THRAP3: variants seen among roughly 807,000 people sequenced by gnomAD.
The protein encoded by THRAP3 is thyroid hormone receptor associated protein 3.
Under a neutral mutation model 101.0 loss-of-function variants are expected in THRAP3, and 16 were observed. The observed-to-expected ratio is 0.16, with a 90% CI of 0.11 to 0.24. The LOEUF (loss-of-function observed/expected upper bound fraction) is 0.24, where lower values mean the gene tolerates loss of function less well. Among genes scored for constraint, THRAP3 ranks in the 10% least tolerant of loss-of-function variants. The pLI is 1.00. For missense variants in THRAP3, 989 were observed against 1,202.7 expected (o/e 0.82, Z 2.63); for synonymous variants, 407 against 422.6 (o/e 0.96, Z 0.45).
At chr1:36,252,074 T>G (rs1299716986) in intron 1 of THRAP3, among the ~76,000 whole-genome samples, 2 of 152,190 alleles carry the variant, frequency 1.3e-5, no homozygotes, top group Admixed American at 6.6e-5. Context: ...TTCCTACCAT[T>G]TGGGAGTCTT....
In THRAP3 at chr1:36,282,526, AC is replaced by A. The variant is rs1645746245; in HGVS notation, c.-31-6del. 1.9e-6 allele frequency: 3 copies of A among 1,594,660 alleles called. No homozygotes were observed. The highest frequency in any genetic ancestry group is 2.2e-5 in the South Asian group (2 of 90,410). ...CTCATTTGTTCTAATGCATTTTCTT[AC>A]ATTAGGTGTAATTGAAAAGTGATCC... On this transcript the variant is annotated splice_polypyrimidine_tract_variant and splice_region_variant and intron_variant, in intron 2 of 11. Coordinates refer to ENST00000354618, the MANE Select transcript of THRAP3 (RefSeq NM_005119.4).
At chr1:36,224,662 C>G (rs1229040879) in intron 1 of THRAP3, among the ~76,000 whole-genome samples, 157 bp downstream of exon 1, 3 of 152,288 alleles carry the variant, frequency 2.0e-5, no homozygotes, top group East Asian at 3.9e-4. Flanking sequence ...TGAGCGGGCT[C>G]CGTTCCCTCC....
At chr1:36,262,431 AAC>A (rs1645458097) in intron 2 of THRAP3, among the ~76,000 whole-genome samples, 1 of 152,334 alleles carries the variant, frequency 6.6e-6, no homozygotes, top group African/African-American at 2.4e-5. Flanking sequence ...AAATAAATCT[AAC>A]ACACACGTTT....
At chr1:36,261,625 C>G (rs1342152082) in intron 2 of THRAP3, among the ~76,000 whole-genome samples, 2 of 152,180 alleles carry the variant, frequency 1.3e-5, no homozygotes, top group East Asian at 1.9e-4. Flanking sequence ...ACGAACTACA[C>G]TGATCACATG....
At chr1:36,292,340 C>T (rs1469049817) in intron 6 of THRAP3, among the ~76,000 whole-genome samples, 1 of 127,844 alleles carries the variant, frequency 7.8e-6, no homozygotes, top group Non-Finnish European at 1.6e-5. Flanking sequence ...GGCGGGATCT[C>T]AGCTCACTGC....
intron 2 of THRAP3, among the ~76,000 whole-genome samples, chr1:36,275,586 CAAAA>C (rs754150358): frequency 1.4e-4 from 2 of 13,816 alleles, no homozygotes; most frequent in African/African-American, 1.9e-4. Flanking sequence ...GACTCTGTCT[CAAAA>C]AAAAAAAAAA....
At chr1:36,244,910 C>T (rs545566942) in intron 1 of THRAP3, among the ~76,000 whole-genome samples, 8 of 151,892 alleles carry the variant, frequency 5.3e-5, no homozygotes, top group East Asian at 3.9e-4. Context: ...TTAGTAGAGA[C>T]GGGGTTTCAT....
the THRAP3 span, among the ~76,000 whole-genome samples, chr1:36,214,050 GAAA>G: frequency 8.0e-6 from 1 of 124,676 alleles, no homozygotes; most frequent in Non-Finnish European, 1.8e-5. Context: ...AAGAAAGAAA[GAAA>G]GAAAGAAAGA....
chr1:36,297,750 T>C (rs937261768), intron 9 of THRAP3, among the ~76,000 whole-genome samples: 1 of 151,726 alleles, frequency 6.6e-6, no homozygotes, highest in Non-Finnish European at 1.5e-5. Flanking sequence ...GCCGCGTTTT[T>C]ATATCAGTTT....
chr1:36,250,988 C>A (rs1345739635), intron 1 of THRAP3, among the ~76,000 whole-genome samples: 1 of 151,972 alleles, frequency 6.6e-6, no homozygotes, highest in African/African-American at 2.4e-5. Context: ...CTCAAGTGAT[C>A]CGCCCACCTT....
At chr1:36,288,663 C>T (rs1645826575) in intron 4 of THRAP3, 1 of 985,416 alleles carries the variant, frequency 1.0e-6, no homozygotes, top group African/African-American at 1.7e-5. Flanking sequence ...GTTGAACATT[C>T]TATGTTAACT....
At position 36,289,760 on chromosome 1, in the gene THRAP3, G is replaced by T. The variant is rs143670803; in HGVS notation, c.1741G>T (p.Ala581Ser). 5.0e-6 allele frequency: 8 copies of T among 1,600,850 alleles called. No homozygotes were observed. Among genetic ancestry groups the T allele is most frequent in the Non-Finnish European group, 6.8e-6 (8 of 1,174,188 alleles). The change falls in exon 5 of 12, where the codon GCA becomes TCA. Residue 581 changes from alanine to serine, a missense_variant. Ala to Ser is a moderately conservative substitution (Grantham distance 99, BLOSUM62 1). Coordinates refer to ENST00000354618, the MANE Select transcript of THRAP3 (RefSeq NM_005119.4). ...VRMDSFDEDLARPSGLLAQER... is the reference protein window; with the variant it reads ...VRMDSFDEDLSRPSGLLAQER... ...GATGGACTCTTTTGATGAGGACCTC[G>T]CACGGTGAGATATGCTCCTTCTTGA...
At chr1:36,264,923 G>C (rs908548193) in intron 2 of THRAP3, among the ~76,000 whole-genome samples, 5 of 152,088 alleles carry the variant, frequency 3.3e-5, no homozygotes, top group Non-Finnish European at 5.9e-5. Flanking sequence ...CGGCAGGATT[G>C]GTTCTTCTAG....
chr1:36,227,687 G>T (rs1304989537), intron 1 of THRAP3, among the ~76,000 whole-genome samples: 1 of 152,124 alleles, frequency 6.6e-6, no homozygotes, highest in Non-Finnish European at 1.5e-5. Context: ...TTAGTTAAGA[G>T]ACCGAAGATG....
At position 36,293,736 on chromosome 1, in the gene THRAP3, G is replaced by A. The variant is rs1274280108; in HGVS notation, c.2031-115G>A. Reference sequence around the variant, plus strand: ...TAAAAGTAATAGATACATAAGTCATGAAACGTAAGGAAAAATAATGCCTGT... The same window carrying A: ...TAAAAGTAATAGATACATAAGTCATAAAACGTAAGGAAAAATAATGCCTGT... On this transcript the variant is annotated intron_variant, in intron 7 of 11. Coordinates refer to ENST00000354618, the MANE Select transcript of THRAP3 (RefSeq NM_005119.4). 4.9e-6 allele frequency: 4 copies of A among 814,428 alleles called. No individual in the cohort carries two copies. In the Admixed American group the frequency reaches 9.1e-5, roughly 19 times the overall value. 50.5% of individuals were successfully genotyped at this position (814,428 alleles called of 1,614,324 possible). A position where few individuals can be genotyped will look rare whatever the true frequency, so the allele number is the denominator to read the frequency against.
chr1:36,303,503 T>C (rs1646056030), intron 11 of THRAP3, among the ~76,000 whole-genome samples: 1 of 152,178 alleles, frequency 6.6e-6, no homozygotes, highest in Admixed American at 6.5e-5. Flanking sequence ...GACGTTTTTA[T>C]TTTCTTTAAA....
chr1:36,213,058 C>G, the THRAP3 span, among the ~76,000 whole-genome samples: 2 of 152,120 alleles, frequency 1.3e-5, no homozygotes, highest in Non-Finnish European at 2.9e-5. Flanking sequence ...AAGGCTGGTA[C>G]GACATGGAGG....
the THRAP3 span, among the ~76,000 whole-genome samples, chr1:36,210,173 T>G: frequency 6.6e-6 from 1 of 151,668 alleles, no homozygotes; most frequent in Non-Finnish European, 1.5e-5. Flanking sequence ...GAGACCATCC[T>G]GGCTAACACA....
At chr1:36,240,622 A>G (rs1645143772) in intron 1 of THRAP3, among the ~76,000 whole-genome samples, 1 of 152,176 alleles carries the variant, frequency 6.6e-6, no homozygotes, top group Non-Finnish European at 1.5e-5. Context: ...TGCCTCAGCC[A>G]TATAGCTATT....
Sources: gnomAD v4.1 joint callset for allele counts (sites outside exome capture counted in the v4.1 genomes callset) on GRCh38, gnomAD v4.1.1 for gene constraint, MANE v1.5 for transcripts, NCBI Gene and HGNC (gene_info 2026-07-23, HGNC 2026-07-21) for gene names.